Variants in ZSCAN5B observed in about 807,000 individuals in gnomAD.
ZSCAN5B encodes zinc finger and SCAN domain-containing protein 5B.
In ZSCAN5B, 26 loss-of-function variants were observed where a neutral mutation model predicts 25.2. The observed-to-expected ratio is 1.03, with a 90% CI of 0.76 to 1.43. The LOEUF is 1.43. Ranked by LOEUF, ZSCAN5B falls within the 40% of genes most tolerant of loss-of-function variation. The probability of loss-of-function intolerance (pLI) is 0.00; values close to 1 mark genes in which losing one functional copy is unlikely to be tolerated. For synonymous variants in ZSCAN5B, 244 were observed against 240.9 expected (o/e 1.01, Z -0.12); for missense variants, 745 against 622.1 (o/e 1.20, Z -2.10).
chr19:56,194,483 A>T (rs2032781416), intron 1 of ZSCAN5B, among the ~76,000 whole-genome samples: 2 of 152,060 alleles, frequency 1.3e-5, no homozygotes, highest in Non-Finnish European at 2.9e-5. Flanking sequence ...TGTAATAGAG[A>T]TGGGGTTTCG....
At chr19:56,196,850 A>T (rs1226284333) in intron 1 of ZSCAN5B, among the ~76,000 whole-genome samples, 1 of 152,214 alleles carries the variant, frequency 6.6e-6, no homozygotes. Flanking sequence ...GGAATTAAAG[A>T]GGTTTTCCCG....
intron 3 of ZSCAN5B, among the ~76,000 whole-genome samples, chr19:56,191,290 G>A (rs1216464855): frequency 6.6e-6 from 1 of 152,078 alleles, no homozygotes; most frequent in Non-Finnish European, 1.5e-5. Flanking sequence ...CCTAACCCCT[G>A]GCACCATTGG....
At chr19:56,189,989 T>C (rs770925109) in exon 5 of ZSCAN5B, 3 of 1,613,950 alleles carry the variant, frequency 1.9e-6, no homozygotes, top group South Asian at 1.1e-5. Context: ...TGCTGCAGTA[T>C]TTACATTTAA....
At chr19:56,192,944 C>T (rs1305781238) in exon 2 of ZSCAN5B, 5 of 1,613,592 alleles carry the variant, frequency 3.1e-6, no homozygotes, top group Admixed American at 1.7e-5. Flanking sequence ...GGGTTCCTGT[C>T]GTGATTTCCA....
Position 56,192,043 on chromosome 19 carries a change from T to C in ZSCAN5B, c.395A>G (p.Asn132Ser), listed in dbSNP as rs777866839. The change falls in exon 3 of 5, where the codon AAC becomes AGC. Residue 132 changes from asparagine (N) to serine (S), a missense_variant. By Grantham distance (46) the Asn-to-Ser change is conservative. Coordinates refer to ENST00000586855, the Ensembl canonical transcript of ZSCAN5B. ...CATAAGATATTCTTTGCCGAGCAAG[T>C]TGACTATAGACTGTAGAGAGAAAAA... 9.3e-6 allele frequency: 15 copies of C among 1,611,994 alleles called. No homozygotes were observed. In the African/African-American group the frequency reaches 1.7e-4, roughly 19 times the overall value.
chr19:56,191,054 C>A, intron 3 of ZSCAN5B, 67 bp from the exon 4 acceptor site: 1 of 1,606,670 alleles, frequency 6.2e-7, no homozygotes, highest in Non-Finnish European at 8.5e-7. Context: ...ACATGTCTGT[C>A]CCCTCCTGAC....
rs1442430072 is a variant in ZSCAN5B, at chr19:56,192,711, G to C, written c.342C>G (p.Asp114Glu). ...TGTTATTTCGTAGCAGGTCCTCCAG[G>C]TCTTTGCAGCTCTGCACACCGTTCA... The change falls in exon 2 of 5, where the codon GAC becomes GAG. Residue 114 changes from aspartate (D) to glutamate (E), a missense_variant. Transcript: ENST00000586855. 5.7e-6 allele frequency: 9 copies of C among 1,590,344 alleles called. No homozygotes were observed. Among genetic ancestry groups the C allele is most frequent in the Non-Finnish European group, 7.7e-6 (9 of 1,167,350 alleles).
chr19:56,192,250 T>G (rs1050168890), intron 2 of ZSCAN5B, among the ~76,000 whole-genome samples, 197 bp from the exon 3 acceptor site: 1 of 152,192 alleles, frequency 6.6e-6, no homozygotes, highest in East Asian at 1.9e-4. Flanking sequence ...ATATGAGTCA[T>G]TTAGATGAAA....
At chr19:56,197,000 G>A (rs1244771075) in intron 1 of ZSCAN5B, among the ~76,000 whole-genome samples, 1 of 151,958 alleles carries the variant, frequency 6.6e-6, no homozygotes, top group African/African-American at 2.4e-5. Context: ...ATGCACTCGG[G>A]CGGTGTGGTG....
rs201048831 is a variant in ZSCAN5B at position 56,190,278 on chromosome 19, C to A, written c.1037G>T (p.Gly346Val). ...GGGCGGCAGGGCCTTGGCTTCTTGGCCATCTGGGTGACTGACCGGGCCCGC... is the reference window on the plus strand; with the variant it reads ...GGGCGGCAGGGCCTTGGCTTCTTGGACATCTGGGTGACTGACCGGGCCCGC... The change falls in exon 5 of 5, where the codon GGC becomes GTC. Residue 346 changes from glycine to valine, a missense_variant. By Grantham distance (109) the Gly-to-Val change is moderately radical. Coordinates refer to ENST00000586855, the Ensembl canonical transcript of ZSCAN5B. 3.5e-4 allele frequency: 562 copies of A among 1,614,064 alleles called. 2 individuals are homozygous for A. The highest frequency in any genetic ancestry group is 1.2e-4 in the Non-Finnish European group (137 of 1,180,040).
At chr19:56,193,099 T>C in exon 2 of ZSCAN5B, 1 of 1,480,548 alleles carries the variant, frequency 6.8e-7, no homozygotes, top group Non-Finnish European at 9.0e-7. Context: ...GCTCTTCCAG[T>C]AGCCAGTATC....
intron 2 of ZSCAN5B, 145 bp downstream of exon 2, chr19:56,192,524 G>T: frequency 7.2e-7 from 1 of 1,386,338 alleles, no homozygotes; most frequent in Non-Finnish European, 9.7e-7. Context: ...CTCACACAGT[G>T]TGTGGGTTCC....
chr19:56,190,249 C>T lies in ZSCAN5B; in HGVS notation c.1066G>A (p.Ala356Thr), dbSNP rs752662164. 13 of 1,614,148 alleles carry T rather than the reference C, an allele frequency of 8.1e-6. No individual in the cohort carries two copies. The South Asian group carries it at 1.4e-4, about 18-fold the overall frequency. ...AATGATTTATTGCACACGTCACATG[C>T]AAAGGGCGGCAGGGCCTTGGCTTCT... Residue 356 changes from alanine to threonine, a missense_variant, in exon 5 of 5, where the codon GCA becomes ACA. By Grantham distance (58) the Ala-to-Thr change is moderately conservative. Transcript: ENST00000586855.
intron 3 of ZSCAN5B, 22 bp from the exon 4 acceptor site, chr19:56,191,009 C>T (rs760465230): frequency 1.1e-5 from 17 of 1,613,838 alleles, no homozygotes; most frequent in Middle Eastern, 1.6e-4. Flanking sequence ...AAACCAAGAG[C>T]AATGACTGCC....
chr19:56,193,541 C>G (rs890002074), intron 1 of ZSCAN5B, among the ~76,000 whole-genome samples: 2 of 152,182 alleles, frequency 1.3e-5, no homozygotes, highest in Admixed American at 6.5e-5. Context: ...CAAGGCAAAG[C>G]CCTTAGTCAT....
chr19:56,190,784 C>T (rs746559471), intron 4 of ZSCAN5B, 53 bp downstream of exon 4: 73 of 1,581,280 alleles, frequency 4.6e-5, no homozygotes, highest in Non-Finnish European at 5.4e-5. Context: ...CCCCCAGCCC[C>T]GCACCCCAGA....
At chr19:56,197,260 C>T (rs537467977) in intron 1 of ZSCAN5B, among the ~76,000 whole-genome samples, 1 of 151,880 alleles carries the variant, frequency 6.6e-6, no homozygotes, top group South Asian at 2.1e-4. Flanking sequence ...GCAACCTCTG[C>T]CTCCTGGGTT....
At chr19:56,190,285 G>C (rs1370248612) in exon 5 of ZSCAN5B, 1 of 1,614,080 alleles carries the variant, frequency 6.2e-7, no homozygotes, top group African/African-American at 1.3e-5. Context: ...TGGCCATCTG[G>C]GTGACTGACC....
chr19:56,191,100 C>T, intron 3 of ZSCAN5B, 113 bp from the exon 4 acceptor site: 8 of 1,436,830 alleles, frequency 5.6e-6, no homozygotes, highest in Non-Finnish European at 7.6e-6. Flanking sequence ...CACCCCATCA[C>T]CCCAAGTAAA....
Sources: gnomAD v4.1 joint callset for allele counts (sites outside exome capture counted in the v4.1 genomes callset) on GRCh38, gnomAD v4.1.1 for gene constraint, MANE v1.5 for transcripts, NCBI Gene and HGNC (gene_info 2026-07-23, HGNC 2026-07-21) for gene names.